The following PFDN2 variants were observed in gnomAD, a reference collection of about 807,000 sequenced individuals.
The protein encoded by PFDN2 is prefoldin subunit 2.
Under a neutral mutation model 18.3 loss-of-function variants are expected in PFDN2, and 7 were observed. The observed-to-expected ratio is 0.38, with a 90% CI of 0.22 to 0.72. The LOEUF is 0.72. Ranked by LOEUF, PFDN2 falls within the 30% of genes least tolerant of loss-of-function variation. The pLI is 0.47. For missense variants in PFDN2, 181 were observed against 199.1 expected (o/e 0.91, Z 0.55); for synonymous variants, 76 against 75.0 (o/e 1.01, Z -0.07).
chr1:161,117,366 TATC>T (rs1654979765), intron 1 of PFDN2, among the ~76,000 whole-genome samples: 2 of 152,234 alleles, frequency 1.3e-5, no homozygotes, highest in African/African-American at 4.8e-5. Flanking sequence ...CTAATTAACT[TATC>T]AAACGCTTCC....
intron 1 of PFDN2, among the ~76,000 whole-genome samples, chr1:161,116,119 C>G (rs757935798): frequency 6.6e-5 from 10 of 152,202 alleles, no homozygotes; most frequent in Non-Finnish European, 1.0e-4. Context: ...CCCAGCTACT[C>G]AGGAGGCTGA....
Position 161,118,012 on chromosome 1 carries a change from G to C in PFDN2, c.15C>G (p.Ser5Arg). The change falls in exon 1 of 4, where the codon AGC becomes AGG. Residue 5 changes from serine (S) to arginine (R), a missense_variant. Physicochemically the swap from Ser to Arg is moderately radical, Grantham distance 110. Coordinates refer to ENST00000368010, the MANE Select transcript of PFDN2 (RefSeq NM_012394.4). MAEN[S>R]GRAGKSSGSG... ...TCCCGCTGCTCTTGCCGGCGCGACC[G>C]CTGTTCTCCGCCATCTTCGCCGCCT... 1 of 1,611,864 alleles carries C rather than the reference G, an allele frequency of 6.2e-7. No individual in the cohort carries two copies. The highest frequency in any genetic ancestry group is 8.5e-7 in the Non-Finnish European group (1 of 1,179,340).
intron 1 of PFDN2, among the ~76,000 whole-genome samples, chr1:161,115,418 T>C (rs989136422): frequency 2.6e-5 from 4 of 152,220 alleles, no homozygotes; most frequent in Non-Finnish European, 4.4e-5. Flanking sequence ...ATGAAATCTC[T>C]AGCCATCCCG....
intron 1 of PFDN2, among the ~76,000 whole-genome samples, chr1:161,103,700 A>AG: frequency 7.0e-6 from 1 of 143,564 alleles, no homozygotes; most frequent in Non-Finnish European, 1.5e-5. Context: ...AAAAAAAAAA[A>AG]AAAAAAAAAA....
At chr1:161,110,522 A>G (rs141545791) in intron 1 of PFDN2, among the ~76,000 whole-genome samples, 3 of 152,188 alleles carry the variant, frequency 2.0e-5, no homozygotes, top group East Asian at 1.9e-4. Flanking sequence ...TTTGTTTACC[A>G]TATAGTTTTA....
intron 1 of PFDN2, among the ~76,000 whole-genome samples, chr1:161,105,954 T>A (rs1453855473): frequency 1.3e-5 from 2 of 152,124 alleles, no homozygotes. Context: ...GCTGATATAG[T>A]TTATGTGTCC....
At position 161,102,439 on chromosome 1, in the gene PFDN2, C is replaced by T. The variant is rs1654587389; in HGVS notation, c.76-64G>A. The T allele has an allele frequency of 4.8e-6, 6 of 1,259,182 alleles. No homozygotes were observed. In the South Asian group the frequency reaches 6.1e-5, roughly 13 times the overall value. 78.0% of individuals were successfully genotyped at this position (1,259,182 alleles called of 1,614,324 possible). A position where few individuals can be genotyped will look rare whatever the true frequency, so the allele number is the denominator to read the frequency against. ...GAAATGGCAGAGGGTCCAGATAGCACATAGGGTGGCAGGCTTTACAAAGGT... is the reference window on the plus strand; with the variant it reads ...GAAATGGCAGAGGGTCCAGATAGCATATAGGGTGGCAGGCTTTACAAAGGT... On this transcript the variant is annotated intron_variant, in intron 1 of 3. Coordinates refer to ENST00000368010, the MANE Select transcript of PFDN2 (RefSeq NM_012394.4).
intron 3 of PFDN2, among the ~76,000 whole-genome samples, chr1:161,101,231 G>A (rs563232470): frequency 4.7e-4 from 71 of 149,900 alleles, no homozygotes; most frequent in Non-Finnish European, 8.0e-4. Flanking sequence ...TTGCAGCATC[G>A]CTGTGTCGCC....
At chr1:161,109,575 T>TA (rs1654755307) in intron 1 of PFDN2, among the ~76,000 whole-genome samples, 1 of 152,176 alleles carries the variant, frequency 6.6e-6, no homozygotes, top group South Asian at 2.1e-4. Flanking sequence ...ACACCTACTA[T>TA]ATGCCAGGCA....
chr1:161,104,766 C>T (rs1654646888), intron 1 of PFDN2, among the ~76,000 whole-genome samples: 2 of 152,100 alleles, frequency 1.3e-5, no homozygotes, highest in African/African-American at 4.8e-5. Context: ...GCAAGGATCA[C>T]ATACAGCAAA....
intron 1 of PFDN2, among the ~76,000 whole-genome samples, chr1:161,115,887 C>A (rs184529833): frequency 6.6e-6 from 1 of 152,122 alleles, no homozygotes; most frequent in South Asian, 2.1e-4. Flanking sequence ...GTATCTGTAT[C>A]GCTGTACCCA....
At chr1:161,110,271 G>T (rs1397664942) in intron 1 of PFDN2, among the ~76,000 whole-genome samples, 2 of 151,686 alleles carry the variant, frequency 1.3e-5, no homozygotes, top group Non-Finnish European at 2.9e-5. Flanking sequence ...TGAGGCAAAA[G>T]AATTGCTTGC....
intron 1 of PFDN2, among the ~76,000 whole-genome samples, chr1:161,105,660 T>C (rs1228205354): frequency 6.6e-6 from 1 of 152,138 alleles, no homozygotes; most frequent in Non-Finnish European, 1.5e-5. Flanking sequence ...GGTTCCACCA[T>C]ATTGGTCAGG....
At chr1:161,114,269 A>G (rs1053001656) in intron 1 of PFDN2, among the ~76,000 whole-genome samples, 1 of 152,166 alleles carries the variant, frequency 6.6e-6, no homozygotes, top group Non-Finnish European at 1.5e-5. Context: ...ATTTCCCCCA[A>G]AATTGTCTGT....
At chr1:161,106,476 C>T (rs895312970) in intron 1 of PFDN2, among the ~76,000 whole-genome samples, 9 of 152,144 alleles carry the variant, frequency 5.9e-5, no homozygotes, top group African/African-American at 1.9e-4. Context: ...TAAAACATAA[C>T]TTTTCTAATA....
chr1:161,116,323 T>C (rs1468312315), intron 1 of PFDN2, among the ~76,000 whole-genome samples: 5 of 151,920 alleles, frequency 3.3e-5, no homozygotes, highest in Admixed American at 2.6e-4. Context: ...CGAGACCAGC[T>C]TGGCCAACAT....
chr1:161,117,500 G>C (rs1654987529), intron 1 of PFDN2, among the ~76,000 whole-genome samples: 1 of 152,160 alleles, frequency 6.6e-6, no homozygotes, highest in Admixed American at 6.5e-5. Flanking sequence ...TAGGCTGTTC[G>C]AGTATGAGAG....
chr1:161,102,211 C>A (rs761819525), intron 2 of PFDN2, 40 bp from the exon 3 acceptor site: 10 of 1,613,738 alleles, frequency 6.2e-6, no homozygotes, highest in African/African-American at 2.7e-5. Context: ...GGATTCAGCC[C>A]CACTCTACTA....
chr1:161,110,023 C>A (rs1362515363), intron 1 of PFDN2, among the ~76,000 whole-genome samples: 1 of 151,792 alleles, frequency 6.6e-6, no homozygotes, highest in Non-Finnish European at 1.5e-5. Flanking sequence ...CATTACACTC[C>A]AGCCTGGGTG....
Sources: gnomAD v4.1 joint callset for allele counts (sites outside exome capture counted in the v4.1 genomes callset) on GRCh38, gnomAD v4.1.1 for gene constraint, MANE v1.5 for transcripts, NCBI Gene and HGNC (gene_info 2026-07-23, HGNC 2026-07-21) for gene names.